The following NT5DC1 variants were observed in gnomAD, a reference collection of about 807,000 sequenced individuals.
NT5DC1 encodes the protein 5'-nucleotidase domain-containing protein 1.
In NT5DC1, 42 loss-of-function variants were observed where a neutral mutation model predicts 59.4. The observed-to-expected ratio is 0.71, with a 90% CI of 0.55 to 0.92. The LOEUF (loss-of-function observed/expected upper bound fraction) is 0.92. Among genes scored for constraint, NT5DC1 ranks in the 40% least tolerant of loss-of-function variants. The pLI, the probability that NT5DC1 is intolerant of heterozygous loss-of-function variation, is 0.00. For missense variants in NT5DC1, 501 were observed against 537.1 expected (o/e 0.93, Z 0.66); for synonymous variants, 172 against 188.1 (o/e 0.91, Z 0.70).
chr6:116,101,175 G>A (rs897501071), intron 1 of NT5DC1, 152 bp downstream of exon 1: 2 of 586,074 alleles, frequency 3.4e-6, no homozygotes, highest in Non-Finnish European at 5.8e-6. Context: ...GCGAGAAGGG[G>A]CGGAAGTGTG....
At chr6:116,239,389 C>G (rs1782182126) in intron 11 of NT5DC1, among the ~76,000 whole-genome samples, 1 of 151,780 alleles carries the variant, frequency 6.6e-6, no homozygotes. Context: ...CTGAGGAGGC[C>G]CAGTAAGGTG....
intron 6 of NT5DC1, among the ~76,000 whole-genome samples, chr6:116,141,809 A>G (rs1582830168): frequency 6.8e-6 from 1 of 146,120 alleles, no homozygotes; most frequent in Admixed American, 6.9e-5. Flanking sequence ...CCAGTTGAGG[A>G]TTATGATAAG....
chr6:116,163,641 T>G (rs1780397642), intron 6 of NT5DC1, among the ~76,000 whole-genome samples: 1 of 152,178 alleles, frequency 6.6e-6, no homozygotes, highest in Non-Finnish European at 1.5e-5. Flanking sequence ...TGATCTTTAT[T>G]TCTTTACTTC....
At chr6:116,228,661 C>G (rs991533133) in intron 8 of NT5DC1, among the ~76,000 whole-genome samples, 1 of 151,972 alleles carries the variant, frequency 6.6e-6, no homozygotes, top group African/African-American at 2.4e-5. Context: ...ATACTTTTTT[C>G]TATTTAGAAT....
At chr6:116,178,946 G>T (rs1477077680) in intron 6 of NT5DC1, among the ~76,000 whole-genome samples, 2 of 152,096 alleles carry the variant, frequency 1.3e-5, no homozygotes. Flanking sequence ...GAGTCTGAAG[G>T]CACAAAGACA....
At chr6:116,232,634 T>C (rs1004470347) in intron 8 of NT5DC1, among the ~76,000 whole-genome samples, 4 of 152,174 alleles carry the variant, frequency 2.6e-5, no homozygotes, top group Non-Finnish European at 4.4e-5. Flanking sequence ...TTAGTGCTTC[T>C]GGCCTACAAA....
At chr6:116,210,395 G>A (rs947018070) in intron 6 of NT5DC1, among the ~76,000 whole-genome samples, 2 of 151,820 alleles carry the variant, frequency 1.3e-5, no homozygotes, top group African/African-American at 4.8e-5. Context: ...GATTTGTGGT[G>A]ACCCTGTAGT....
intron 3 of NT5DC1, among the ~76,000 whole-genome samples, chr6:116,108,864 T>C (rs549865519): frequency 6.6e-6 from 1 of 152,326 alleles, no homozygotes; most frequent in East Asian, 1.9e-4. Context: ...CTTTCTTCAT[T>C]TATCCAAATT....
Position 116,106,257 on chromosome 6 carries a change from G to C in NT5DC1, c.107G>C (p.Ser36Thr). ...CCTTATTTGCAGCTCATTTATAATA[G>C]CTTTGCCCAGTTCCTAGTTAAGGAG... is the stretch of plus-strand genomic sequence containing the variant. ...LPESAPLIYN[S>T]FAQFLVKEKG... The change falls in exon 2 of 12, where the codon AGC (serine) becomes ACC (threonine). Residue 36 changes from serine to threonine, a missense_variant. Ser to Thr is a moderately conservative substitution (Grantham distance 58). Coordinates refer to ENST00000319550, the MANE Select transcript of NT5DC1 (RefSeq NM_152729.3). 6.5e-7 allele frequency: 1 copy of C among 1,546,048 alleles called. No homozygotes were observed. The highest frequency in any genetic ancestry group is 8.9e-7 in the Non-Finnish European group (1 of 1,119,432).
intron 6 of NT5DC1, among the ~76,000 whole-genome samples, chr6:116,219,144 C>T (rs748870488): frequency 7.2e-5 from 11 of 152,096 alleles, no homozygotes; most frequent in Admixed American, 1.3e-4. Flanking sequence ...GCCAACAGAG[C>T]GAGACCCTGT....
chr6:116,117,956 T>TGAAGA lies in NT5DC1; in HGVS notation c.529+13_529+17dup. On this transcript the variant is annotated intron_variant, in intron 6 of 11. Transcript: ENST00000319550. ...TGTCAGCTTTTAAGGGTAAGTATTG[T>TGAAGA]GAAGAGGGGCCTTCTAATACGTGTT... 7.7e-7 allele frequency: 1 copy of TGAAGA among 1,293,972 alleles called. No homozygotes were observed. Among genetic ancestry groups the TGAAGA allele is most frequent in the Non-Finnish European group, 1.1e-6 (1 of 887,568 alleles). 80.2% of individuals were successfully genotyped at this position (1,293,972 alleles called of 1,614,324 possible).
intron 6 of NT5DC1, among the ~76,000 whole-genome samples, chr6:116,167,206 A>ATTTTTT (rs61348980): frequency 3.2e-4 from 28 of 87,814 alleles, no homozygotes; most frequent in African/African-American, 1.3e-3. Context: ...CAAATAGAAG[A>ATTTTTT]TTTTTTTTTT....
chr6:116,110,175 A>G (rs921024023), intron 3 of NT5DC1, among the ~76,000 whole-genome samples: 2 of 152,270 alleles, frequency 1.3e-5, no homozygotes, highest in Non-Finnish European at 2.9e-5. Context: ...GTGGGAGAGC[A>G]AAACTGGATA....
At chr6:116,105,562 C>A (rs1192538062) in intron 1 of NT5DC1, among the ~76,000 whole-genome samples, 2 of 152,146 alleles carry the variant, frequency 1.3e-5, no homozygotes, top group Non-Finnish European at 2.9e-5. Context: ...TTGGTATGTA[C>A]AGTTCTTTTA....
intron 8 of NT5DC1, among the ~76,000 whole-genome samples, chr6:116,229,468 G>A (rs991081705): frequency 2.0e-5 from 3 of 152,132 alleles, no homozygotes; most frequent in South Asian, 4.1e-4. Flanking sequence ...ATGGTAACAG[G>A]GGCAAAGATG....
At chr6:116,181,787 C>G (rs984724169) in intron 6 of NT5DC1, among the ~76,000 whole-genome samples, 3 of 151,988 alleles carry the variant, frequency 2.0e-5, no homozygotes, top group East Asian at 1.9e-4. Flanking sequence ...ATATTATGTT[C>G]CTGGTGGAAG....
chr6:116,180,144 C>A (rs1780843016), intron 6 of NT5DC1, among the ~76,000 whole-genome samples: 1 of 151,826 alleles, frequency 6.6e-6, no homozygotes, highest in African/African-American at 2.4e-5. Context: ...TTATTAAGGG[C>A]ATATATTATT....
chr6:116,220,658 T>C (rs931124122), intron 6 of NT5DC1, among the ~76,000 whole-genome samples: 1 of 152,212 alleles, frequency 6.6e-6, no homozygotes, highest in Admixed American at 6.5e-5. Context: ...AATATCTGAG[T>C]GTTGATTTGT....
intron 5 of NT5DC1, among the ~76,000 whole-genome samples, chr6:116,117,507 A>G (rs939476837): frequency 2.6e-5 from 4 of 152,224 alleles, no homozygotes; most frequent in Non-Finnish European, 5.9e-5. Context: ...TAATACACCT[A>G]GTTTACTGAA....
Sources: allele counts gnomAD v4.1 joint callset (sites outside exome capture counted in the v4.1 genomes callset), GRCh38; gene constraint gnomAD v4.1.1; transcripts MANE v1.5; gene names NCBI Gene and HGNC (gene_info 2026-07-23, HGNC 2026-07-21).